ZNF486: variants seen among roughly 807,000 people sequenced by gnomAD.
ZNF486 encodes the protein zinc finger protein 486.
A neutral mutation model predicts 12.8 loss-of-function variants in ZNF486; 12 were observed. The observed-to-expected ratio is 0.94, with a 90% CI of 0.60 to 1.52. ZNF486 has a LOEUF of 1.52. Among genes scored for constraint, ZNF486 ranks in the 40% most tolerant of loss-of-function variants. ZNF486 has a pLI of 0.00. For synonymous variants in ZNF486, 231 were observed against 184.9 expected (o/e 1.25, Z -2.02); for missense variants, 738 against 545.0 (o/e 1.35, Z -3.53).
At position 20,197,221 on chromosome 19, in the gene ZNF486, A is replaced by G. The variant is rs376334286; in HGVS notation, c.511A>G (p.Arg171Gly). Residue 171 changes from arginine to glycine, a missense_variant, in exon 4 of 4, where the codon AGA becomes GGA. By Grantham distance (125) the Arg-to-Gly change is moderately radical (BLOSUM62 -2). Coordinates refer to ENST00000335117, the MANE Select transcript of ZNF486 (RefSeq NM_052852.4). ...CTTTCATCAATTTTCAAATTCAAAG[A>G]GACATAAAAGAAGACATACTGAAAA... ...KVFHQFSNSK[R>G]HKRRHTEKKP... The G allele has an allele frequency of 2.5e-6, 4 of 1,612,460 alleles. No individual in the cohort carries two copies. Among genetic ancestry groups the G allele is most frequent in the Admixed American group, 3.4e-5 (2 of 59,628 alleles).
chr19:20,170,143 CGCCTCG>C (rs1203993645), intron 1 of ZNF486, among the ~76,000 whole-genome samples: 2 of 151,626 alleles, frequency 1.3e-5, no homozygotes, highest in East Asian at 2.0e-4. Context: ...GTGATCCGCC[CGCCTCG>C]GCCTCCCGAA....
intron 1 of ZNF486, among the ~76,000 whole-genome samples, chr19:20,183,205 C>G (rs1237747057): frequency 2.0e-5 from 3 of 152,154 alleles, no homozygotes; most frequent in Admixed American, 1.3e-4. Flanking sequence ...CCCTTTGTGG[C>G]TGTTGAACAT....
chr19:20,194,998 A>G (rs1568327095), intron 3 of ZNF486, among the ~76,000 whole-genome samples: 2 of 151,186 alleles, frequency 1.3e-5, no homozygotes, highest in Non-Finnish European at 2.9e-5. Context: ...ATTTCTTTTT[A>G]TAGTTGTCTG....
chr19:20,183,944 A>G (rs566835146), intron 1 of ZNF486, among the ~76,000 whole-genome samples: 5 of 96,016 alleles, frequency 5.2e-5, no homozygotes, highest in East Asian at 7.0e-4. Flanking sequence ...GATCTTTTGG[A>G]AAAAAAAATC....
chr19:20,191,855 AG>A (rs782165767), intron 3 of ZNF486, among the ~76,000 whole-genome samples: 9 of 152,142 alleles, frequency 5.9e-5, no homozygotes, highest in Non-Finnish European at 1.3e-4. Flanking sequence ...ATGTTGCGTA[AG>A]TTGTCTGTTT....
At chr19:20,183,762 A>G (rs1555715907) in intron 1 of ZNF486, among the ~76,000 whole-genome samples, 1 of 152,092 alleles carries the variant, frequency 6.6e-6, no homozygotes, top group African/African-American at 2.4e-5. Flanking sequence ...TCTTTTTTAA[A>G]CATATTTTTC....
chr19:20,186,201 G>T, intron 3 of ZNF486, 119 bp downstream of exon 3: 1 of 591,152 alleles, frequency 1.7e-6, no homozygotes, highest in East Asian at 3.4e-5. Flanking sequence ...AATAGTTCCT[G>T]GGCAGCTGTT....
intron 1 of ZNF486, among the ~76,000 whole-genome samples, chr19:20,178,186 C>T (rs368412894): frequency 3.3e-5 from 5 of 152,130 alleles, no homozygotes; most frequent in East Asian, 3.9e-4. Flanking sequence ...CCTAGGCCTC[C>T]CAAAGTCCTG....
chr19:20,193,426 C>T (rs1555717463), intron 3 of ZNF486, among the ~76,000 whole-genome samples: 1 of 151,466 alleles, frequency 6.6e-6, no homozygotes, highest in Non-Finnish European at 1.5e-5. Context: ...CTTTGGGAGG[C>T]CGAGGTGGGT....
rs529644341 is a variant in ZNF486 at position 20,181,512 on chromosome 19, C to G, written c.31-2844C>G. On this transcript the variant is annotated intron_variant, in intron 1 of 3. Transcript: ENST00000335117. ...CCAGATCGCGCCACTGCACTCCAGC[C>G]TGGGTGGCAGCGAGACTCCATCTCA... 6.7e-4 allele frequency among the ~76,000 whole-genome samples: 97 copies of G among 145,738 alleles called. 1 individual carries two copies. In the South Asian group the frequency reaches 0.021, roughly 31 times the overall value.
At chr19:20,170,325 C>T (rs1246944183) in intron 1 of ZNF486, among the ~76,000 whole-genome samples, 9 of 151,962 alleles carry the variant, frequency 5.9e-5, no homozygotes, top group Admixed American at 5.9e-4. Context: ...CGCTTGTAAT[C>T]CTAGCACCTT....
intron 1 of ZNF486, chr19:20,177,136 T>C (rs2089727948): frequency 6.6e-6 from 1 of 152,258 alleles, no homozygotes; most frequent in Non-Finnish European, 1.5e-5. Context: ...ATGTGAGCTG[T>C]GCTCTGGGCT....
chr19:20,178,276 C>G (rs1424681612), intron 1 of ZNF486, among the ~76,000 whole-genome samples: 1 of 150,282 alleles, frequency 6.7e-6, no homozygotes, highest in African/African-American at 2.5e-5. Context: ...AAGTCTCACT[C>G]TGTCACCCAG....
chr19:20,185,414 T>TTTTG (rs1223546810), intron 2 of ZNF486, among the ~76,000 whole-genome samples: 144 of 137,886 alleles, frequency 1.0e-3, no homozygotes, highest in African/African-American at 3.7e-3. Flanking sequence ...GTTTTTTTTT[T>TTTTG]TTTTTTTTTT....
At position 20,197,001 on chromosome 19, in the gene ZNF486, G is replaced by A. The variant is rs2089964588; in HGVS notation, c.291G>A (p.Glu97=). Residue 97 remains glutamate (E), a synonymous_variant, in exon 4 of 4, where the codon GAG becomes GAA. Transcript: ENST00000335117. The stretch of plus-strand genomic sequence containing the variant: ...ATTTTGCCCAAGACCTTTGGCCAGA[G>A]CAGAGCATAAAAGATTCTTACCAAA... ...CSHFAQDLWP[E]QSIKDSYQKV... is the part of the protein sequence containing the mutation. The A allele has an allele frequency of 6.3e-7, 1 of 1,593,762 alleles. No homozygotes were observed. Among genetic ancestry groups the A allele is most frequent in the East Asian group, 2.2e-5 (1 of 44,782 alleles).
chr19:20,182,391 T>A (rs2089796666), intron 1 of ZNF486, among the ~76,000 whole-genome samples: 1 of 152,232 alleles, frequency 6.6e-6, no homozygotes, highest in Non-Finnish European at 1.5e-5. Flanking sequence ...TAGGAACACA[T>A]GGCCAATTTG....
intron 2 of ZNF486, 89 bp from the exon 3 acceptor site, chr19:20,185,898 T>C: frequency 1.4e-6 from 1 of 726,908 alleles, no homozygotes; most frequent in Non-Finnish European, 2.0e-6. Context: ...TACTAGAATA[T>C]TTTATTACAT....
In ZNF486 at chr19:20,179,392, G is replaced by T. The variant is rs189490336; in HGVS notation, c.31-4964G>T. Among the ~76,000 whole-genome samples, 171 of 152,310 alleles carry T rather than the reference G, an allele frequency of 1.1e-3. 1 individual carries two copies. Among genetic ancestry groups the T allele is most frequent in the African/African-American group, 3.9e-3 (161 of 41,580 alleles). On this transcript the variant is annotated intron_variant, in intron 1 of 3. Coordinates refer to ENST00000335117, the MANE Select transcript of ZNF486 (RefSeq NM_052852.4). ...TGTAAATACTACTAATCAAAGTGTA[G>T]ATTCCAGGCAACTTGAATCTTTGCT...
chr19:20,179,250 A>G (rs1002695118), intron 1 of ZNF486, among the ~76,000 whole-genome samples: 1 of 148,830 alleles, frequency 6.7e-6, no homozygotes, highest in Admixed American at 6.6e-5. Flanking sequence ...GCCCTAAAAC[A>G]TAATGATAGA....
Sources: gnomAD v4.1 joint callset for allele counts (sites outside exome capture counted in the v4.1 genomes callset) on GRCh38, gnomAD v4.1.1 for gene constraint, MANE v1.5 for transcripts, NCBI Gene and HGNC (gene_info 2026-07-23, HGNC 2026-07-21) for gene names.